Variants in GALC observed in about 807,000 individuals in gnomAD.
The protein encoded by GALC is galactocerebrosidase.
GALC carries 77 observed loss-of-function variants against 91.8 expected under a neutral mutation model. That is an observed-to-expected ratio of 0.84 (90% CI 0.70 to 1.01). GALC has a LOEUF of 1.01. GALC is among the 50% of genes least tolerant of loss of function. GALC has a pLI of 0.00. For synonymous variants in GALC, 357 were observed against 306.7 expected (o/e 1.16, Z -1.71); for missense variants, 882 against 855.9 (o/e 1.03, Z -0.38).
chr14:87,937,081 G>C (rs922010987), intron 16 of GALC, among the ~76,000 whole-genome samples: 3 of 151,558 alleles, frequency 2.0e-5, no homozygotes, highest in Non-Finnish European at 2.9e-5. Context: ...CACCTGACAA[G>C]TGCTGAGAAG....
Position 87,961,446 on chromosome 14 carries a change from AT to A in GALC, c.1161+1937del, listed in dbSNP as rs201006276. On this transcript the variant is annotated intron_variant, in intron 10 of 16. Transcript: ENST00000261304. ...GACAGAGTTACCATGTGACCCAGCA[AT>A]TCCACTCCTACATACATACCCAAGA... Among the ~76,000 whole-genome samples the A allele has an allele frequency of 6.5e-3, 997 of 152,300 alleles. 14 individuals are homozygous for A. The highest frequency in any genetic ancestry group is 0.044 in the East Asian group (226 of 5,184).
At chr14:87,953,324 C>T in intron 10 of GALC, 1 of 1,440,356 alleles carries the variant, frequency 6.9e-7, no homozygotes, top group South Asian at 1.1e-5. Flanking sequence ...GAACCAAAGG[C>T]AAGTTACGGG....
chr14:87,993,571 G>T, upstream of GALC: 1 of 1,163,030 alleles, frequency 8.6e-7, no homozygotes, highest in Non-Finnish European at 1.2e-6. Flanking sequence ...CATCTTGGTG[G>T]AATCACTTTG....
intron 8 of GALC, 101 bp downstream of exon 8, chr14:87,968,234 A>G (rs1886135653): frequency 8.2e-6 from 8 of 979,088 alleles, no homozygotes; most frequent in East Asian, 5.1e-5. Flanking sequence ...GTTTACAATC[A>G]TTGAATCTAG....
chr14:87,976,275 T>C (rs187696129), intron 7 of GALC, 83 bp downstream of exon 7: 3 of 1,460,098 alleles, frequency 2.1e-6, no homozygotes, highest in Admixed American at 3.3e-5. Context: ...TGTAATCAAA[T>C]GGGGAGAAGG....
At chr14:87,956,322 G>A (rs1042460909) in intron 10 of GALC, among the ~76,000 whole-genome samples, 2 of 151,856 alleles carry the variant, frequency 1.3e-5, no homozygotes, top group Non-Finnish European at 2.9e-5. Flanking sequence ...AAATCACTAA[G>A]TAAATAAATA....
In GALC at chr14:87,954,513, C is replaced by T. The variant is rs1885436616; in HGVS notation, c.1162-3765G>A. The stretch of plus-strand genomic sequence containing the variant: ...AATTACACACTAGAAAACCTAAAAT[C>T]GCATACAATGCCTTGGTCATCCTGT... On this transcript the variant is annotated intron_variant, in intron 10 of 16. Transcript: ENST00000261304. The T allele has an allele frequency of 7.1e-6, 11 of 1,559,692 alleles. No homozygotes were observed. In the African/African-American group the frequency reaches 8.2e-5, roughly 12 times the overall value.
At chr14:87,938,803 A>G (rs1884702133) in intron 16 of GALC, among the ~76,000 whole-genome samples, 1 of 151,998 alleles carries the variant, frequency 6.6e-6, no homozygotes, top group Admixed American at 6.6e-5. Context: ...GACAGTATCA[A>G]AATGTAAAAC....
intron 5 of GALC, 31 bp from the exon 6 acceptor site, chr14:87,982,274 T>C (rs538892693): frequency 9.4e-6 from 14 of 1,484,128 alleles, no homozygotes; most frequent in Admixed American, 3.4e-5. Context: ...AAAGTCTGAA[T>C]TGAAAGTTAC....
intron 16 of GALC, among the ~76,000 whole-genome samples, chr14:87,936,952 T>C (rs1884602321): frequency 2.1e-5 from 3 of 142,672 alleles, no homozygotes; most frequent in Admixed American, 7.1e-5. Context: ...AGAAAAGTGT[T>C]CTTCATGATA....
At chr14:87,945,532 C>T (rs1885036398) in intron 14 of GALC, 21 bp downstream of exon 14, 1 of 1,543,612 alleles carries the variant, frequency 6.5e-7, no homozygotes, top group Non-Finnish European at 9.0e-7. Flanking sequence ...GCCAGATCCA[C>T]ATTGAGAACA....
Position 87,933,749 on chromosome 14 carries a change from C to G in GALC, c.*983G>C, listed in dbSNP as rs116351733. ...TCATACAACATGATGAACACGCTCA[C>G]GTATATTTAAATATAAACATATTTG... On this transcript the variant is annotated 3_prime_UTR_variant, in exon 17 of 17. Coordinates refer to ENST00000261304, the MANE Select transcript of GALC (RefSeq NM_000153.4). 13 of 477,452 alleles carry G rather than the reference C, an allele frequency of 2.7e-5. No homozygotes were observed. The highest frequency in any genetic ancestry group is 9.8e-5 in the African/African-American group (5 of 51,104). 29.6% of individuals were successfully genotyped at this position (477,452 alleles called of 1,614,324 possible).
chr14:87,977,077 G>C (rs1886530822), intron 6 of GALC, among the ~76,000 whole-genome samples: 1 of 148,100 alleles, frequency 6.8e-6, no homozygotes, highest in East Asian at 2.0e-4. Flanking sequence ...GTACTACCCT[G>C]AAATAACCAC....
chr14:87,992,482 G>C (rs953726216), intron 1 of GALC: 16 of 1,532,908 alleles, frequency 1.0e-5, no homozygotes, highest in Admixed American at 3.9e-5. Flanking sequence ...ACAACTGCAC[G>C]GGACTTAACG....
At chr14:87,992,685 C>A in intron 1 of GALC, 1 of 1,437,854 alleles carries the variant, frequency 7.0e-7, no homozygotes. Flanking sequence ...CCGGCTACTT[C>A]ACTACTTAGA....
Position 87,986,929 on chromosome 14 carries a change from A to G in GALC, c.329-327T>C, listed in dbSNP as rs1272867669. Reference sequence around the variant, plus strand: ...GCTTCTGGGCTTTTGATCTCTCTGTAGTTTTCAAATCCCCATGTCCAACTT... The same window carrying G: ...GCTTCTGGGCTTTTGATCTCTCTGTGGTTTTCAAATCCCCATGTCCAACTT... On this transcript the variant is annotated intron_variant, in intron 3 of 16. Coordinates refer to ENST00000261304, the MANE Select transcript of GALC (RefSeq NM_000153.4). 8 of 442,228 alleles carry G rather than the reference A, an allele frequency of 1.8e-5. No individual in the cohort carries two copies. In the East Asian group the frequency reaches 4.9e-4, roughly 27 times the overall value. 27.4% of individuals were successfully genotyped at this position (442,228 alleles called of 1,614,324 possible).
At chr14:87,945,790 T>A in intron 13 of GALC, 57 bp from the exon 14 acceptor site, 2 of 1,302,174 alleles carry the variant, frequency 1.5e-6, no homozygotes, top group South Asian at 2.4e-5. Context: ...AAGCTCTCCT[T>A]GCTGATATTT....
chr14:87,963,950 G>A (rs11621530), intron 9 of GALC, among the ~76,000 whole-genome samples: 49,816 of 151,750 alleles, frequency 0.33, 9,551 homozygotes, highest in East Asian at 0.75. Flanking sequence ...TCCTAAGCTC[G>A]TCCTGAAAAT....
intron 14 of GALC, 147 bp downstream of exon 14, chr14:87,945,406 A>C: frequency 1.4e-6 from 1 of 689,920 alleles, no homozygotes; most frequent in Admixed American, 2.2e-5. Context: ...TCATCACCAT[A>C]CTATTCAACA....
Sources: gnomAD v4.1 joint callset for allele counts (sites outside exome capture counted in the v4.1 genomes callset) on GRCh38, gnomAD v4.1.1 for gene constraint, MANE v1.5 for transcripts, NCBI Gene and HGNC (gene_info 2026-07-23, HGNC 2026-07-21) for gene names.